RBM26: variants seen among roughly 807,000 people sequenced by gnomAD.
RBM26 encodes RNA-binding protein 26.
Under a neutral mutation model 123.6 loss-of-function variants are expected in RBM26, and 30 were observed. That is an observed-to-expected ratio of 0.24 (90% CI 0.18 to 0.33). RBM26 has a LOEUF of 0.33. Among genes scored for constraint, RBM26 ranks in the 10% least tolerant of loss-of-function variants. The probability of loss-of-function intolerance (pLI) is 1.00; values close to 1 mark genes in which losing one functional copy is unlikely to be tolerated. For synonymous variants in RBM26, 400 were observed against 404.4 expected (o/e 0.99, Z 0.13); for missense variants, 947 against 1,203.6 (o/e 0.79, Z 3.15).
rs773528442 is a variant in RBM26 at position 79,353,110 on chromosome 13, C to T, written c.2058+43G>A. ...TAAAAATTAAGATGCCACCTGAAAA[C>T]ATTTATGAAGCCAAGACAAACACAT... is the stretch of plus-strand genomic sequence containing the variant. On this transcript the variant is annotated intron_variant, in intron 14 of 21. Transcript: ENST00000438737. The T allele has an allele frequency of 6.4e-6, 8 of 1,242,674 alleles. No individual in the cohort carries two copies. The South Asian group carries it at 7.4e-5, about 11-fold the overall frequency. 77.0% of individuals were successfully genotyped at this position (1,242,674 alleles called of 1,614,324 possible).
intron 20 of RBM26, among the ~76,000 whole-genome samples, chr13:79,326,250 A>G (rs2068395750): frequency 2.0e-5 from 3 of 152,240 alleles, no homozygotes; most frequent in Admixed American, 2.0e-4. Flanking sequence ...TAATTAATGC[A>G]AATAACTTTT....
At chr13:79,381,439 ATAT>A (rs3064582) in intron 1 of RBM26, among the ~76,000 whole-genome samples, 3 of 151,664 alleles carry the variant, frequency 2.0e-5, no homozygotes, top group African/African-American at 7.3e-5. Context: ...ATACATAATA[ATAT>A]TATTATGTTT....
intron 14 of RBM26, among the ~76,000 whole-genome samples, chr13:79,347,321 C>T (rs915050539): frequency 7.9e-5 from 12 of 152,112 alleles, no homozygotes; most frequent in African/African-American, 2.9e-4. Flanking sequence ...CCAATCATAA[C>T]CTGTGTCTAA....
At chr13:79,375,605 T>C (rs1049027739) in intron 3 of RBM26, among the ~76,000 whole-genome samples, 8 of 152,164 alleles carry the variant, frequency 5.3e-5, no homozygotes, top group African/African-American at 1.4e-4. Context: ...CCTTTCTTCC[T>C]AACAGAACCC....
At chr13:79,354,624 G>A (rs1421275413) in intron 12 of RBM26, 54 bp from the exon 13 acceptor site, 58 of 1,478,226 alleles carry the variant, frequency 3.9e-5, no homozygotes, top group African/African-American at 7.0e-5. Context: ...AGGATGGAAA[G>A]TGACCTGTGT....
At chr13:79,332,682 A>G (rs1310633801) in intron 20 of RBM26, among the ~76,000 whole-genome samples, 2 of 152,136 alleles carry the variant, frequency 1.3e-5, no homozygotes, top group African/African-American at 4.8e-5. Flanking sequence ...TTATTCTGTC[A>G]CTTATTCAAC....
chr13:79,373,741 T>TTA (rs10673883), intron 3 of RBM26, among the ~76,000 whole-genome samples: 14 of 55,304 alleles, frequency 2.5e-4, no homozygotes, highest in East Asian at 2.3e-3. Context: ...ATATAATATT[T>TTA]TATATATATA....
chr13:79,391,095 T>A (rs2077937311), intron 1 of RBM26, among the ~76,000 whole-genome samples: 1 of 152,166 alleles, frequency 6.6e-6, no homozygotes, highest in Non-Finnish European at 1.5e-5. Context: ...ATACCTGGAT[T>A]TTCTTTAAAA....
At chr13:79,334,570 T>C (rs1594036414) in intron 19 of RBM26, 140 bp from the exon 20 acceptor site, 1 of 478,844 alleles carries the variant, frequency 2.1e-6, no homozygotes, top group South Asian at 3.3e-5. Flanking sequence ...CAGAAAAGTA[T>C]GGTGAGTAAT....
Position 79,322,477 on chromosome 13 carries a change from A to C in RBM26, c.2821-15T>G. The stretch of plus-strand genomic sequence containing the variant: ...TGAACTGCAGCCTAAAATGATTAAA[A>C]ATATTGGAATATAAGACATTAAAAA... On this transcript the variant is annotated splice_polypyrimidine_tract_variant and intron_variant, in intron 20 of 21. Coordinates refer to ENST00000438737, the MANE Select transcript of RBM26 (RefSeq NM_001366735.2). 6.7e-7 allele frequency: 1 copy of C among 1,499,028 alleles called. No homozygotes were observed. Among genetic ancestry groups the C allele is most frequent in the Non-Finnish European group, 9.0e-7 (1 of 1,116,414 alleles). The allele number at this position is 1,499,028 out of a possible 1,614,324, so 92.9% of individuals were successfully genotyped here.
At chr13:79,312,204 G>T (rs1241308459) in exon 5 of RBM26, 1 of 151,978 alleles carries the variant, frequency 6.6e-6, no homozygotes, top group African/African-American at 2.4e-5. Flanking sequence ...CTCCTTTGGT[G>T]TTTTTCAATT....
chr13:79,397,069 T>C (rs147890230), intron 1 of RBM26, among the ~76,000 whole-genome samples: 4,335 of 152,218 alleles, frequency 0.028, 171 homozygotes, highest in African/African-American at 0.085. Flanking sequence ...TAGTCCCACC[T>C]ACTCAGGAGG....
chr13:79,376,868 C>T (rs41305026), intron 3 of RBM26: 21,700 of 152,410 alleles, frequency 0.14, 3,823 homozygotes, highest in African/African-American at 0.42. Flanking sequence ...CTCGAGGGTT[C>T]CCATTACCCC....
exon 5 of RBM26, chr13:79,312,961 A>G (rs2066936140): frequency 6.6e-6 from 1 of 151,966 alleles, no homozygotes; most frequent in Non-Finnish European, 1.5e-5. Context: ...CTTGTAAACA[A>G]GACCAAAAAT....
chr13:79,320,794 T>A (rs2067580087), intron 21 of RBM26, 84 bp from the exon 22 acceptor site: 2 of 1,302,304 alleles, frequency 1.5e-6, no homozygotes, highest in African/African-American at 1.5e-5. Flanking sequence ...AATACTCATC[T>A]CTCTCAACAG....
At chr13:79,399,005 C>T (rs573437519) in intron 1 of RBM26, among the ~76,000 whole-genome samples, 187 of 152,296 alleles carry the variant, frequency 1.2e-3, no homozygotes, top group Middle Eastern at 6.8e-3. Flanking sequence ...CTGGAGTCTG[C>T]TTTCAAGGGC....
intron 9 of RBM26, among the ~76,000 whole-genome samples, 189 bp from the exon 10 acceptor site, chr13:79,359,875 G>A (rs1266444463): frequency 4.0e-5 from 6 of 150,754 alleles, no homozygotes; most frequent in Admixed American, 6.6e-5. Flanking sequence ...TCATTTTTAC[G>A]ATTTCAGTTA....
intron 4 of RBM26, 81 bp downstream of exon 4, chr13:79,371,761 T>C: frequency 9.9e-7 from 1 of 1,012,076 alleles, no homozygotes; most frequent in East Asian, 2.4e-5. Flanking sequence ...TGCCTCTGCG[T>C]AAAAGATAAC....
chr13:79,373,717 CTATATATAATAATATATAATATTTTAT>C (rs2076380125), intron 3 of RBM26, among the ~76,000 whole-genome samples: 1 of 34,912 alleles, frequency 2.9e-5, no homozygotes, highest in African/African-American at 1.0e-4. Flanking sequence ...ATATATATTA[CTATATATAATAATATATAATATTTTAT>C]ATATATATAT....
Sources: allele counts gnomAD v4.1 joint callset (sites outside exome capture counted in the v4.1 genomes callset), GRCh38; gene constraint gnomAD v4.1.1; transcripts MANE v1.5; gene names NCBI Gene and HGNC (gene_info 2026-07-23, HGNC 2026-07-21).